The following BBS2 variants were observed in gnomAD, a reference collection of about 807,000 sequenced individuals.
BBS2 encodes BBSome complex member BBS2.
In BBS2, 62 loss-of-function variants were observed where a neutral mutation model predicts 83.0. That is an observed-to-expected ratio of 0.75 (90% CI 0.61 to 0.92). The LOEUF (loss-of-function observed/expected upper bound fraction) is 0.92, where lower values mean the gene tolerates loss of function less well. Ranked by LOEUF, BBS2 falls within the 40% of genes least tolerant of loss-of-function variation. The probability of loss-of-function intolerance (pLI) is 0.00; values close to 1 mark genes in which losing one functional copy is unlikely to be tolerated. For synonymous variants in BBS2, 303 were observed against 326.1 expected, an observed-to-expected ratio of 0.93 and a Z score of 0.76; for missense variants, 784 against 901.0, an observed-to-expected ratio of 0.87 and a Z score of 1.66.
intron 1 of BBS2, among the ~76,000 whole-genome samples, chr16:56,517,844 G>A (rs1482288820): frequency 2.7e-5 from 4 of 146,380 alleles, no homozygotes; most frequent in African/African-American, 7.6e-5. Flanking sequence ...TTTTGAGACC[G>A]AGTCTCACTC....
At chr16:56,501,300 GA>G (rs1161048371) in intron 10 of BBS2, 52 bp downstream of exon 10, 19 of 1,549,254 alleles carry the variant, frequency 1.2e-5, no homozygotes, top group Non-Finnish European at 1.7e-5. Context: ...AAAAAAGAAT[GA>G]CTCCAAGATG....
chr16:56,480,352 C>CAAAAAAAAAAAAAAAAAAAAAA (rs1286219655), downstream of BBS2, among the ~76,000 whole-genome samples: 39 of 76,510 alleles, frequency 5.1e-4, no homozygotes, highest in African/African-American at 1.0e-3. Context: ...CACACACACA[C>CAAAAAAAAAAAAAAAAAAAAAA]AAAAAAAAAA....
intron 1 of BBS2, chr16:56,519,460 C>T: frequency 2.3e-6 from 1 of 430,048 alleles, no homozygotes; most frequent in South Asian, 3.0e-5. Flanking sequence ...GAACCAAACC[C>T]CTTCCCTCAG....
chr16:56,480,365 A>AAAC (rs1963638014), downstream of BBS2, among the ~76,000 whole-genome samples: 1 of 141,024 alleles, frequency 7.1e-6, no homozygotes, highest in Admixed American at 7.0e-5. Context: ...AAAAAAAAAA[A>AAAC]CAAAAAAAAA....
intron 16 of BBS2, 38 bp downstream of exon 16, chr16:56,485,552 T>A: frequency 6.2e-7 from 1 of 1,612,188 alleles, no homozygotes; most frequent in Non-Finnish European, 8.5e-7. Context: ...ACCAAAAACA[T>A]TACAGATCAA....
intron 15 of BBS2, among the ~76,000 whole-genome samples, chr16:56,495,300 T>C (rs1157775450): frequency 2.0e-5 from 3 of 152,184 alleles, no homozygotes; most frequent in Non-Finnish European, 4.4e-5. Flanking sequence ...TGATCATCAA[T>C]GGCTGATAAT....
chr16:56,471,044 G>A (rs79573171), intron 17 of BBS2, among the ~76,000 whole-genome samples: 1 of 151,938 alleles, frequency 6.6e-6, no homozygotes, highest in Non-Finnish European at 1.5e-5. Flanking sequence ...TTGTAATAGG[G>A]TTATATGACA....
downstream of BBS2, among the ~76,000 whole-genome samples, chr16:56,483,486 C>T (rs1963694936): frequency 6.6e-6 from 1 of 152,074 alleles, no homozygotes. Flanking sequence ...GATGACAGAG[C>T]CACATGATTA....
At chr16:56,498,767 T>C (rs1397218656) in intron 12 of BBS2, 199 bp from the exon 13 acceptor site, 1 of 1,430,786 alleles carries the variant, frequency 7.0e-7, no homozygotes, top group Admixed American at 2.2e-5. Context: ...ACTAGTCACA[T>C]TCCCTTTTCT....
chr16:56,501,672 T>C (rs1465539233), intron 9 of BBS2, 175 bp from the exon 10 acceptor site: 3 of 842,614 alleles, frequency 3.6e-6, no homozygotes, highest in South Asian at 1.7e-5. Flanking sequence ...TCCCTTGCTC[T>C]ATCTGGCCCT....
chr16:56,500,017 G>T, intron 11 of BBS2, 110 bp from the exon 12 acceptor site: 1 of 1,375,652 alleles, frequency 7.3e-7, no homozygotes, highest in Non-Finnish European at 1.0e-6. Flanking sequence ...ATATTTAAGG[G>T]TTTCACTTAA....
chr16:56,517,087 G>A (rs1176633308), intron 1 of BBS2, among the ~76,000 whole-genome samples: 1 of 151,710 alleles, frequency 6.6e-6, no homozygotes, highest in Non-Finnish European at 1.5e-5. Flanking sequence ...TCTATCTAAG[G>A]GCTGCCCTAG....
At chr16:56,510,769 A>C (rs1362893279) in intron 4 of BBS2, 90 bp downstream of exon 4, 4 of 1,392,330 alleles carry the variant, frequency 2.9e-6, no homozygotes, top group Non-Finnish European at 3.1e-6. Flanking sequence ...CAGCCAGGAG[A>C]AGCTTACACT....
At chr16:56,489,797 T>A in intron 15 of BBS2, among the ~76,000 whole-genome samples, 1 of 141,978 alleles carries the variant, frequency 7.0e-6, no homozygotes, top group African/African-American at 2.6e-5. Context: ...CGAAACTCCA[T>A]CTCAAAGAAA....
chr16:56,497,318 C>T (rs1964142736), intron 14 of BBS2: 2 of 565,956 alleles, frequency 3.5e-6, no homozygotes, highest in Non-Finnish European at 6.3e-6. Context: ...CCAGGAGCCC[C>T]CACAACACAC....
chr16:56,519,236 C>G (rs1403514902), intron 1 of BBS2, among the ~76,000 whole-genome samples: 2 of 148,488 alleles, frequency 1.3e-5, no homozygotes, highest in African/African-American at 5.0e-5. Flanking sequence ...GAGGCTGAGG[C>G]AGGAGAATTG....
In BBS2 at chr16:56,519,909, C is replaced by CA; in HGVS notation, c.-48dup. ...GAGGGCTGGAAGCTGGAGACAAGCG[C>CA]AGCGGAGCTGGCCTCACGCGCCCGG... On this transcript the variant is annotated 5_prime_UTR_variant, in exon 1 of 17. Transcript: ENST00000245157. The CA allele has an allele frequency of 6.5e-7, 1 of 1,528,818 alleles. No individual in the cohort carries two copies. Among genetic ancestry groups the CA allele is most frequent in the South Asian group, 1.1e-5 (1 of 88,904 alleles). The allele number at this position is 1,528,818 out of a possible 1,614,324, so 94.7% of individuals were successfully genotyped here.
At chr16:56,480,056 A>G (rs994249722), downstream of BBS2, among the ~76,000 whole-genome samples, 5 of 152,204 alleles carry the variant, frequency 3.3e-5, no homozygotes, top group Non-Finnish European at 7.3e-5. Context: ...TGTTAACCAT[A>G]CTGGAAATTA....
At chr16:56,497,717 C>G in intron 14 of BBS2, 26 bp downstream of exon 14, 2 of 1,612,188 alleles carry the variant, frequency 1.2e-6, no homozygotes, top group Non-Finnish European at 1.7e-6. Flanking sequence ...CACATTCTCA[C>G]AAATGCATCT....
Sources: gnomAD v4.1 joint callset for allele counts (sites outside exome capture counted in the v4.1 genomes callset) on GRCh38, gnomAD v4.1.1 for gene constraint, MANE v1.5 for transcripts, NCBI Gene and HGNC (gene_info 2026-07-23, HGNC 2026-07-21) for gene names.